PALS1: variants seen among roughly 807,000 people sequenced by gnomAD.
The protein encoded by PALS1 is protein associated with LIN7 1, MAGUK p55 family member.
A neutral mutation model predicts 78.9 loss-of-function variants in PALS1; 31 were observed. The observed-to-expected ratio is 0.39, with a 90% CI of 0.30 to 0.53. The LOEUF is 0.53. Among genes scored for constraint, PALS1 ranks in the 20% least tolerant of loss-of-function variants. The probability of loss-of-function intolerance (pLI) is 0.67; values close to 1 mark genes in which losing one functional copy is unlikely to be tolerated. For synonymous variants in PALS1, 276 were observed against 270.9 expected (o/e 1.02, Z -0.18); for missense variants, 704 against 826.5 (o/e 0.85, Z 1.82).
chr14:67,263,259 C>T (rs182430986), intron 1 of PALS1, among the ~76,000 whole-genome samples: 1 of 152,272 alleles, frequency 6.6e-6, no homozygotes, highest in Non-Finnish European at 1.5e-5. Context: ...TCATGATGCT[C>T]TCTTGTCCTC....
chr14:67,269,416 A>C (rs2084378083), intron 1 of PALS1, among the ~76,000 whole-genome samples: 1 of 152,044 alleles, frequency 6.6e-6, no homozygotes, highest in South Asian at 2.1e-4. Context: ...TGGTAACCCT[A>C]TGTTTAGCCT....
intron 2 of PALS1, among the ~76,000 whole-genome samples, chr14:67,274,554 G>A (rs901584886): frequency 3.9e-5 from 6 of 152,144 alleles, no homozygotes; most frequent in Admixed American, 3.9e-4. Context: ...GTTGGATAGG[G>A]TGATGCCTTC....
rs1413926262 is a variant in PALS1, at chr14:67,333,363, T to G, written c.*407T>G. On this transcript the variant is annotated 3_prime_UTR_variant, in exon 15 of 15. Coordinates refer to ENST00000261681, the MANE Select transcript of PALS1 (RefSeq NM_022474.4). ...AAGTGTTAAATCATTAACACTTAAATGACTTCATTGGGAATATTGAGCAGA... is the reference window on the plus strand; with the variant it reads ...AAGTGTTAAATCATTAACACTTAAAGGACTTCATTGGGAATATTGAGCAGA... 1.3e-5 allele frequency: 2 copies of G among 154,974 alleles called. No individual in the cohort carries two copies. The highest frequency in any genetic ancestry group is 4.8e-5 in the African/African-American group (2 of 41,526). 9.6% of individuals were successfully genotyped at this position (154,974 alleles called of 1,614,324 possible).
chr14:67,323,190 GTAT>G (rs1438657496), intron 13 of PALS1, among the ~76,000 whole-genome samples: 1 of 149,494 alleles, frequency 6.7e-6, no homozygotes, highest in African/African-American at 2.5e-5. Flanking sequence ...TATATAATAT[GTAT>G]TATATGTGTA....
At position 67,262,988 on chromosome 14, in the gene PALS1, C is replaced by A. The variant is rs79545271; in HGVS notation, c.-236-6713C>A. On this transcript the variant is annotated intron_variant, in intron 1 of 14. Transcript: ENST00000261681. ...AAAAACTTTGCTAGCCTTTTAGATA[C>A]ATTTAATCTTTTATTGCTAAGGAGT... 7.3e-3 allele frequency among the ~76,000 whole-genome samples: 1,114 copies of A among 152,242 alleles called. 12 individuals are homozygous for A. Among genetic ancestry groups the A allele is most frequent in the African/African-American group, 0.024 (1,003 of 41,550 alleles).
intron 2 of PALS1, among the ~76,000 whole-genome samples, chr14:67,277,431 G>T (rs770926226): frequency 6.6e-6 from 1 of 152,154 alleles, no homozygotes; most frequent in African/African-American, 2.4e-5. Context: ...GTCCCTGTTT[G>T]CATTATGACC....
At chr14:67,327,339 A>C (rs1011111963) in intron 14 of PALS1, among the ~76,000 whole-genome samples, 4 of 151,788 alleles carry the variant, frequency 2.6e-5, no homozygotes, top group African/African-American at 9.7e-5. Flanking sequence ...AAAAACTGCT[A>C]AACTGTTTTT....
chr14:67,284,597 A>AATCATCACTAC (rs1222295116), intron 3 of PALS1, among the ~76,000 whole-genome samples: 1 of 140,868 alleles, frequency 7.1e-6, no homozygotes, highest in Non-Finnish European at 1.5e-5. Flanking sequence ...AAGGTTGTGC[A>AATCATCACTAC]ATCATCACTA....
chr14:67,318,336 T>C (rs1595612615), intron 11 of PALS1, among the ~76,000 whole-genome samples: 1 of 111,966 alleles, frequency 8.9e-6, no homozygotes, highest in South Asian at 3.7e-4. Context: ...TTTTCTAAAA[T>C]AAATATCCTT....
intron 3 of PALS1, among the ~76,000 whole-genome samples, chr14:67,288,275 T>G (rs1359119625): frequency 6.6e-6 from 1 of 152,064 alleles, no homozygotes; most frequent in Non-Finnish European, 1.5e-5. Flanking sequence ...AGAGACGGGA[T>G]TTTACCATGT....
At chr14:67,324,426 T>A (rs1490756234) in intron 14 of PALS1, among the ~76,000 whole-genome samples, 1 of 151,896 alleles carries the variant, frequency 6.6e-6, no homozygotes, top group Non-Finnish European at 1.5e-5. Flanking sequence ...TTCTTCCTTG[T>A]TTTTTTTGCT....
Position 67,279,532 on chromosome 14 carries a change from T to C in PALS1, c.362T>C (p.Ile121Thr). Residue 121 changes from isoleucine (I) to threonine (T), a missense_variant, in exon 3 of 15, where the codon ATA becomes ACA. Ile to Thr is a moderately conservative substitution (Grantham distance 89). Coordinates refer to ENST00000261681, the MANE Select transcript of PALS1 (RefSeq NM_022474.4). ...VLESPHYAVK[I>T]LEIEDLFSSL... The stretch of plus-strand genomic sequence containing the variant: ...GAAAGTCCTCATTATGCTGTGAAAA[T>C]ATTAGGTAAGTAAAAATAGAGGTAT... 2.0e-6 allele frequency: 3 copies of C among 1,525,630 alleles called. No homozygotes were observed. The highest frequency in any genetic ancestry group is 2.6e-6 in the Non-Finnish European group (3 of 1,140,222). 94.5% of individuals were successfully genotyped at this position (1,525,630 alleles called of 1,614,324 possible).
chr14:67,285,430 G>A (rs1410488671), intron 3 of PALS1, among the ~76,000 whole-genome samples: 8 of 149,810 alleles, frequency 5.3e-5, no homozygotes, highest in Non-Finnish European at 1.2e-4. Flanking sequence ...GCAGTGGCGC[G>A]ATCTCGGCTC....
At chr14:67,310,628 CATA>C (rs1352178934) in intron 8 of PALS1, among the ~76,000 whole-genome samples, 2 of 152,134 alleles carry the variant, frequency 1.3e-5, no homozygotes, top group East Asian at 3.8e-4. Context: ...TCCCAAAAGG[CATA>C]ATAACATTTA....
At chr14:67,314,717 C>G (rs1714990453) in intron 9 of PALS1, among the ~76,000 whole-genome samples, 1 of 152,224 alleles carries the variant, frequency 6.6e-6, no homozygotes, top group African/African-American at 2.4e-5. Context: ...GATGACATTT[C>G]TAAGTCTTTT....
chr14:67,319,610 TAAAAAAA>T (rs11366985), intron 11 of PALS1, among the ~76,000 whole-genome samples: 1 of 128,608 alleles, frequency 7.8e-6, no homozygotes, highest in Non-Finnish European at 1.7e-5. Flanking sequence ...GCTGATGAGC[TAAAAAAA>T]AAAAAAAAAA....
At chr14:67,313,773 T>A (rs562884254) in intron 9 of PALS1, among the ~76,000 whole-genome samples, 1 of 152,162 alleles carries the variant, frequency 6.6e-6, no homozygotes, top group Non-Finnish European at 1.5e-5. Flanking sequence ...TTAACACTTA[T>A]GTATATTTTT....
chr14:67,323,261 G>GTGTATA (rs1429954753), intron 13 of PALS1, among the ~76,000 whole-genome samples: 31 of 124,138 alleles, frequency 2.5e-4, no homozygotes, highest in African/African-American at 7.7e-4. Flanking sequence ...GTGTGTGTGT[G>GTGTATA]TATATATATA....
intron 3 of PALS1, among the ~76,000 whole-genome samples, chr14:67,285,529 G>T (rs141944588): frequency 2.0e-3 from 308 of 152,118 alleles, no homozygotes; most frequent in African/African-American, 7.0e-3. Flanking sequence ...ACCACCCCTG[G>T]CTAATTTTTT....
Sources: gnomAD v4.1 joint callset for allele counts (sites outside exome capture counted in the v4.1 genomes callset) on GRCh38, gnomAD v4.1.1 for gene constraint, MANE v1.5 for transcripts, NCBI Gene and HGNC (gene_info 2026-07-23, HGNC 2026-07-21) for gene names.